Variants in TGM2 observed in about 807,000 individuals in gnomAD.
TGM2 encodes protein-glutamine gamma-glutamyltransferase 2.
A neutral mutation model predicts 75.6 loss-of-function variants in TGM2; 53 were observed. That is an observed-to-expected ratio of 0.70 (90% CI 0.56 to 0.88). TGM2 has a LOEUF of 0.88. TGM2 is among the 40% of genes least tolerant of loss of function. The pLI is 0.00. For synonymous variants in TGM2, 374 were observed against 381.1 expected (o/e 0.98, Z 0.22); for missense variants, 842 against 928.5 (o/e 0.91, Z 1.21).
chr20:38,129,973 A>G lies in TGM2; in HGVS notation c.*246T>C, dbSNP rs143880902. ...TTCCTCTCTCACCCCAGCCCCAGTC[A>G]GCCAAGGTCAGGGCTCCCACTGTTT... On this transcript the variant is annotated 3_prime_UTR_variant, in exon 13 of 13. Coordinates refer to ENST00000361475, the MANE Select transcript of TGM2 (RefSeq NM_004613.4). 1.3e-3 allele frequency: 738 copies of G among 569,410 alleles called. 5 individuals are homozygous for G. The highest frequency in any genetic ancestry group is 0.012 in the African/African-American group (663 of 53,508). 35.3% of individuals were successfully genotyped at this position (569,410 alleles called of 1,614,324 possible).
intron 1 of TGM2, among the ~76,000 whole-genome samples, chr20:38,163,839 C>T (rs534005288): frequency 1.3e-4 from 20 of 152,318 alleles, no homozygotes; most frequent in Non-Finnish European, 2.4e-4. Flanking sequence ...CATTGTTGTT[C>T]CCATGGAAGA....
chr20:38,132,348 T>G lies in TGM2; in HGVS notation c.1768A>C (p.Lys590Gln). 1 of 1,614,042 alleles carries G rather than the reference T, an allele frequency of 6.2e-7. No individual in the cohort carries two copies. Among genetic ancestry groups the G allele is most frequent in the Non-Finnish European group, 8.5e-7 (1 of 1,179,984 alleles). ...GCCCAGCCTGCCCTTACCCGGATCT[T>G]GATTTCTGGATTCTCCAGGTAGAGG... ...RDLYLENPEI[K>Q]IRILGEPKQK... Residue 590 changes from lysine to glutamine, a missense_variant, in exon 11 of 13, where the codon AAG becomes CAG. Physicochemically the swap from Lys to Gln is moderately conservative, Grantham distance 53. Coordinates refer to ENST00000361475, the MANE Select transcript of TGM2 (RefSeq NM_004613.4).
chr20:38,137,930 C>G (rs1745054075), intron 10 of TGM2, 183 bp downstream of exon 10: 1 of 1,368,604 alleles, frequency 7.3e-7, no homozygotes, highest in Middle Eastern at 2.6e-4. Flanking sequence ...AATCCACCCC[C>G]TCACTCTTGC....
chr20:38,135,289 G>A (rs2122859699), intron 10 of TGM2, among the ~76,000 whole-genome samples: 1 of 152,288 alleles, frequency 6.6e-6, no homozygotes, highest in African/African-American at 2.4e-5. Flanking sequence ...GCACGAGAAG[G>A]AGCTGGTGGG....
intron 3 of TGM2, among the ~76,000 whole-genome samples, chr20:38,155,516 AT>A (rs953861424): frequency 1.3e-5 from 2 of 150,922 alleles, no homozygotes; most frequent in African/African-American, 2.4e-5. Flanking sequence ...TACTGTTAAA[AT>A]TTTTTTTTGT....
chr20:38,140,432 T>TC (rs1460092188), intron 8 of TGM2, among the ~76,000 whole-genome samples: 1 of 151,932 alleles, frequency 6.6e-6, no homozygotes, highest in African/African-American at 2.4e-5. Flanking sequence ...GGCCCACGGA[T>TC]CCCCCCAAGG....
chr20:38,135,875 C>T (rs117636824), intron 10 of TGM2, among the ~76,000 whole-genome samples: 167 of 152,304 alleles, frequency 1.1e-3, no homozygotes, highest in Non-Finnish European at 2.2e-3. Flanking sequence ...CTCCTGAGCA[C>T]GCATCCTCTC....
intron 9 of TGM2, among the ~76,000 whole-genome samples, chr20:38,139,011 AG>A (rs1300514516): frequency 2.6e-5 from 4 of 152,200 alleles, no homozygotes; most frequent in Admixed American, 6.5e-5. Flanking sequence ...AACCCTGGAA[AG>A]TCAGTGAGGG....
intron 6 of TGM2, among the ~76,000 whole-genome samples, chr20:38,142,492 G>A (rs1340312619): frequency 6.6e-6 from 1 of 152,110 alleles, no homozygotes; most frequent in Non-Finnish European, 1.5e-5. Context: ...GGGGGCCTGA[G>A]GTCAAGAGTT....
At position 38,149,678 on chromosome 20, in the gene TGM2, C is replaced by CAAAAAAAAAAAAAACA. The variant is rs61634616; in HGVS notation, c.552+1260_552+1261insTGTTTTTTTTTTTTTT. ...TGGGCAACAGAGCGAGACTCCGCCT[C>CAAAAAAAAAAAAAACA]AAAAAAAAAAAAAAAAAAAAAAACA... On this transcript the variant is annotated intron_variant, in intron 4 of 12. Transcript: ENST00000361475. Among the ~76,000 whole-genome samples, 43 of 40,442 alleles carry CAAAAAAAAAAAAAACA rather than the reference C, an allele frequency of 1.1e-3. 3 individuals are homozygous for CAAAAAAAAAAAAAACA. Among genetic ancestry groups the CAAAAAAAAAAAAAACA allele is most frequent in the African/African-American group, 3.8e-3 (41 of 10,746 alleles). 26.5% of individuals were successfully genotyped at this position (40,442 alleles called of 152,430 possible).
rs1322469549 is a variant in TGM2 at position 38,129,368 on chromosome 20, G to A, written c.*851C>T. ...TTGGCTGAGTCTTTTTTTGATAAAGGCCCCAGACAGCCTCTCCGACAGTCT... is the reference window on the plus strand; with the variant it reads ...TTGGCTGAGTCTTTTTTTGATAAAGACCCCAGACAGCCTCTCCGACAGTCT... On this transcript the variant is annotated 3_prime_UTR_variant, in exon 13 of 13. Transcript: ENST00000361475. The A allele has an allele frequency of 1.3e-5, 2 of 152,138 alleles. No individual in the cohort carries two copies. Among genetic ancestry groups the A allele is most frequent in the Non-Finnish European group, 2.9e-5 (2 of 68,062 alleles). The allele number at this position is 152,138 out of a possible 1,614,324, so 9.4% of individuals were successfully genotyped here.
Position 38,161,448 on chromosome 20 carries a change from T to C in TGM2, c.162A>G (p.Val54=). ...TCACGACACTGAAGGTGAGACTGTC[T>C]ACACTGGCCTCGTAGTTGCGGCCCT... is the stretch of plus-strand genomic sequence containing the variant. ...HFEGRNYEAS[V]DSLTFSVVTG... The change falls in exon 2 of 13, where the codon GTA becomes GTG. Residue 54 remains valine (V), a synonymous_variant. Transcript: ENST00000361475. 2 of 1,614,168 alleles carry C rather than the reference T, an allele frequency of 1.2e-6. No individual in the cohort carries two copies. Among genetic ancestry groups the C allele is most frequent in the Non-Finnish European group, 1.7e-6 (2 of 1,180,012 alleles).
At chr20:38,150,904 T>G in intron 4 of TGM2, 35 bp downstream of exon 4, 1,871 of 1,492,340 alleles carry the variant, frequency 1.3e-3, no homozygotes, top group Non-Finnish European at 1.6e-3. Context: ...CAGAAGGGCC[T>G]GAGATGGTTG....
chr20:38,156,346 T>C (rs971550016), intron 2 of TGM2, among the ~76,000 whole-genome samples: 1 of 152,244 alleles, frequency 6.6e-6, no homozygotes, highest in East Asian at 1.9e-4. Flanking sequence ...AACTAAAGAG[T>C]CCTCCTGAGA....
chr20:38,151,141 C>T, intron 3 of TGM2, 84 bp from the exon 4 acceptor site: 1 of 991,400 alleles, frequency 1.0e-6, no homozygotes, highest in Non-Finnish European at 1.6e-6. Flanking sequence ...GGTGCCAATT[C>T]CCTAGGCCAA....
intron 9 of TGM2, 43 bp downstream of exon 9, chr20:38,139,369 T>A: frequency 3.7e-6 from 6 of 1,613,502 alleles, no homozygotes; most frequent in Non-Finnish European, 5.1e-6. Context: ...GAAAACTGGA[T>A]GCTTATCTTC....
chr20:38,131,301 T>C, intron 11 of TGM2, 72 bp from the exon 12 acceptor site: 2 of 1,605,124 alleles, frequency 1.2e-6, no homozygotes, highest in Non-Finnish European at 1.7e-6. Flanking sequence ...TCACTGCAAT[T>C]TGGCCCAATA....
At position 38,127,768 on chromosome 20, in the gene TGM2, T is replaced by A. The variant is rs2074781472; in HGVS notation, c.*2451A>T. 1 of 152,242 alleles carries A rather than the reference T, an allele frequency of 6.6e-6. No individual in the cohort carries two copies. Among genetic ancestry groups the A allele is most frequent in the Non-Finnish European group, 1.5e-5 (1 of 68,042 alleles). 9.4% of individuals were successfully genotyped at this position (152,242 alleles called of 1,614,324 possible). A position where few individuals can be genotyped will look rare whatever the true frequency, so the allele number is the denominator to read the frequency against. On this transcript the variant is annotated 3_prime_UTR_variant, in exon 13 of 13. Coordinates refer to ENST00000361475, the MANE Select transcript of TGM2 (RefSeq NM_004613.4). ...GATATATTGGATTAAATAAAATACA[T>A]TATTAAAGCTAATTCCACCTATGGC...
chr20:38,127,679 A>C lies in TGM2; in HGVS notation c.*2540T>G, dbSNP rs1024336710. On this transcript the variant is annotated 3_prime_UTR_variant, in exon 13 of 13. Transcript: ENST00000361475. ...ACACCACATTTCAAAGATTGAGTACAAAAATAAGAAGGTCAAATACCTTAC... is the reference window on the plus strand; with the variant it reads ...ACACCACATTTCAAAGATTGAGTACCAAAATAAGAAGGTCAAATACCTTAC... 3 of 152,240 alleles carry C rather than the reference A, an allele frequency of 2.0e-5. No individual in the cohort carries two copies. The highest frequency in any genetic ancestry group is 4.4e-5 in the Non-Finnish European group (3 of 68,038). 9.4% of individuals were successfully genotyped at this position (152,240 alleles called of 1,614,324 possible).
Sources: allele counts gnomAD v4.1 joint callset (sites outside exome capture counted in the v4.1 genomes callset), GRCh38; gene constraint gnomAD v4.1.1; transcripts MANE v1.5; gene names NCBI Gene and HGNC (gene_info 2026-07-23, HGNC 2026-07-21).